ZXDC: variants seen among roughly 807,000 people sequenced by gnomAD.
ZXDC encodes ZXD family zinc finger C.
In ZXDC, 58 loss-of-function variants were observed where a neutral mutation model predicts 63.6. The observed-to-expected ratio is 0.91, with a 90% confidence interval of 0.74 to 1.13. The LOEUF (loss-of-function observed/expected upper bound fraction) is 1.13. Ranked by LOEUF, ZXDC falls within the 50% of genes most tolerant of loss-of-function variation. ZXDC has a pLI of 0.00. For missense variants in ZXDC, 1,133 were observed against 1,148.9 expected (o/e 0.99, Z 0.20); for synonymous variants, 561 against 496.1 (o/e 1.13, Z -1.74).
intron 4 of ZXDC, among the ~76,000 whole-genome samples, chr3:126,466,820 T>G (rs1934787136): frequency 6.6e-6 from 1 of 151,864 alleles, no homozygotes; most frequent in African/African-American, 2.4e-5. Flanking sequence ...ACTGAGCAGG[T>G]GTCCTGGAGC....
intron 4 of ZXDC, among the ~76,000 whole-genome samples, chr3:126,468,747 G>A (rs1017519940): frequency 1.3e-5 from 2 of 152,088 alleles, no homozygotes; most frequent in Non-Finnish European, 2.9e-5. Flanking sequence ...TCATCCATCA[G>A]CACACCAAGA....
intron 6 of ZXDC, chr3:126,460,186 G>A (rs1934468891): frequency 2.1e-6 from 2 of 965,702 alleles, no homozygotes; most frequent in Non-Finnish European, 2.5e-6. Flanking sequence ...TGGTGGCAGG[G>A]GCTATACTTT....
chr3:126,444,481 G>A (rs931037924), intron 7 of ZXDC, among the ~76,000 whole-genome samples: 13 of 151,632 alleles, frequency 8.6e-5, no homozygotes, highest in Non-Finnish European at 1.6e-4. Context: ...GCAGTGAGCC[G>A]AGATCATGCC....
intron 7 of ZXDC, chr3:126,451,687 C>A (rs532223557): frequency 5.1e-6 from 5 of 985,304 alleles, no homozygotes; most frequent in Non-Finnish European, 4.8e-6. Flanking sequence ...GAGCACCAAC[C>A]GGCTGTGTCT....
chr3:126,460,955 T>A (rs1349366997), intron 6 of ZXDC: 2 of 981,846 alleles, frequency 2.0e-6, no homozygotes, highest in African/African-American at 3.5e-5. Flanking sequence ...CTCCTAAGAA[T>A]CTTTAAATTA....
Position 126,474,272 on chromosome 3 carries a change from G to A in ZXDC, c.907+687C>T, listed in dbSNP as rs186534356. 4.9e-3 allele frequency among the ~76,000 whole-genome samples: 750 copies of A among 152,174 alleles called. 15 individuals are homozygous for A. The East Asian group carries it at 0.068, about 14-fold the overall frequency. ...ATAGAGACGGGGTTTCACCGTGTTA[G>A]CCAGGATGGTCTCGATCTCCTGACC... On this transcript the variant is annotated intron_variant, in intron 1 of 9. Coordinates refer to ENST00000389709, the MANE Select transcript of ZXDC (RefSeq NM_025112.5).
chr3:126,438,199 C>A lies in ZXDC; in HGVS notation c.*176G>T, dbSNP rs1403982912. On this transcript the variant is annotated 3_prime_UTR_variant, in exon 10 of 10. Coordinates refer to ENST00000389709, the MANE Select transcript of ZXDC (RefSeq NM_025112.5). ...AGTTTCAAAGAGTATAGCCCGAACT[C>A]ATTCCTGGTAAAACAAAAGGAAAAC... The A allele has an allele frequency of 3.1e-6, 2 of 642,798 alleles. No homozygotes were observed. Among genetic ancestry groups the A allele is most frequent in the South Asian group, 1.8e-5 (1 of 54,856 alleles). 39.8% of individuals were successfully genotyped at this position (642,798 alleles called of 1,614,324 possible). A position where few individuals can be genotyped will look rare whatever the true frequency, so the allele number is the denominator to read the frequency against.
chr3:126,474,860 G>A (rs1369754180), intron 1 of ZXDC, 99 bp downstream of exon 1: 3 of 1,345,228 alleles, frequency 2.2e-6, no homozygotes, highest in South Asian at 1.5e-5. Context: ...TGCGTCCCCG[G>A]CTTGCTAAGG....
intron 1 of ZXDC, among the ~76,000 whole-genome samples, chr3:126,472,518 C>T (rs972086271): frequency 6.6e-6 from 1 of 152,172 alleles, no homozygotes; most frequent in Admixed American, 6.5e-5. Context: ...ACACGCTGGC[C>T]ACCTGTTGCA....
intron 6 of ZXDC, chr3:126,460,735 C>A (rs1467010896): frequency 1.0e-6 from 1 of 985,290 alleles, no homozygotes; most frequent in Non-Finnish European, 1.2e-6. Flanking sequence ...TCCTCTCTGA[C>A]TGAAAGAAAT....
At position 126,475,134 on chromosome 3, in the gene ZXDC, G is replaced by A. The variant is rs763263795; in HGVS notation, c.732C>T (p.Gly244=). 79 of 1,609,660 alleles carry A rather than the reference G, an allele frequency of 4.9e-5. No homozygotes were observed. Among genetic ancestry groups the A allele is most frequent in the Admixed American group, 1.0e-4 (6 of 59,520 alleles). The change falls in exon 1 of 10, where the codon GGC becomes GGT. Residue 244 remains glycine (G), a synonymous_variant. Transcript: ENST00000389709. The part of the protein sequence containing the change: ...KLRPFGCPVG[G]CGKKFTTVYN... ...AGACCGTAGTGAACTTCTTGCCACAGCCGCCCACTGGACAGCCGAAGGGCC... is the reference window on the plus strand; with the variant it reads ...AGACCGTAGTGAACTTCTTGCCACAACCGCCCACTGGACAGCCGAAGGGCC...
chr3:126,439,718 AG>A lies in ZXDC; in HGVS notation c.2403del (p.Ser802ProfsTer71). On this transcript the variant is annotated frameshift_variant, in exon 9 of 10. Transcript: ENST00000389709. LOFTEE classifies it high-confidence loss of function. ...GCCGAGGGCAGGACACCTTCGCCGG[AG>A]GGGTCATCCTGGGAAGGCAACACAG... ...GVQVQLVQDD[P>X]SGEGVLPSAR... 1 of 1,551,254 alleles carries A rather than the reference AG, an allele frequency of 6.4e-7. No individual in the cohort carries two copies. The highest frequency in any genetic ancestry group is 8.7e-7 in the Non-Finnish European group (1 of 1,147,000).
intron 7 of ZXDC, chr3:126,453,062 CTG>C: frequency 1.0e-6 from 1 of 985,406 alleles, no homozygotes; most frequent in Non-Finnish European, 1.2e-6. Flanking sequence ...TGGGAAGCTT[CTG>C]TTTTCCACAG....
At chr3:126,459,284 A>AG (rs1473891720) in intron 7 of ZXDC, 2 of 985,310 alleles carry the variant, frequency 2.0e-6, no homozygotes, top group Non-Finnish European at 2.4e-6. Context: ...GGCAGTCCCC[A>AG]GGTCTCTGCC....
chr3:126,445,223 C>T (rs1013600512), intron 7 of ZXDC, among the ~76,000 whole-genome samples: 10 of 152,290 alleles, frequency 6.6e-5, no homozygotes, highest in Admixed American at 4.6e-4. Context: ...GAATTGCTCA[C>T]GCTTATACAT....
chr3:126,470,782 T>C lies in ZXDC; in HGVS notation c.1270+113A>G, dbSNP rs1312905321. 9.3e-5 allele frequency: 134 copies of C among 1,437,100 alleles called. 2 individuals are homozygous for C. The Admixed American group carries it at 1.6e-3, about 17-fold the overall frequency. 89.0% of individuals were successfully genotyped at this position (1,437,100 alleles called of 1,614,324 possible). A position where few individuals can be genotyped will look rare whatever the true frequency, so the allele number is the denominator to read the frequency against. On this transcript the variant is annotated intron_variant, in intron 4 of 9. Transcript: ENST00000389709. ...TAAGTAAACATAATGCTGCAACTTATATTGAGTCAGTCTTTAAGCAGCTAA... is the reference window on the plus strand; with the variant it reads ...TAAGTAAACATAATGCTGCAACTTACATTGAGTCAGTCTTTAAGCAGCTAA...
At chr3:126,451,688 G>A (rs1418641715) in intron 7 of ZXDC, 6 of 985,354 alleles carry the variant, frequency 6.1e-6, no homozygotes, top group African/African-American at 5.2e-5. Context: ...AGCACCAACC[G>A]GCTGTGTCTC....
chr3:126,460,876 A>C (rs1168471184), intron 6 of ZXDC: 1 of 985,454 alleles, frequency 1.0e-6, no homozygotes, highest in Non-Finnish European at 1.2e-6. Flanking sequence ...GTCACCATCA[A>C]ATTTAGCCTG....
At chr3:126,441,396 C>T in intron 8 of ZXDC, 1 of 1,061,356 alleles carries the variant, frequency 9.4e-7, no homozygotes, top group Non-Finnish European at 1.1e-6. Flanking sequence ...TGCCCCAGCC[C>T]TGCAGAAGAA....
Sources: gnomAD v4.1 joint callset for allele counts (sites outside exome capture counted in the v4.1 genomes callset) on GRCh38, gnomAD v4.1.1 for gene constraint, MANE v1.5 for transcripts, NCBI Gene and HGNC (gene_info 2026-07-23, HGNC 2026-07-21) for gene names.